ZZZ3: variants seen among roughly 807,000 people sequenced by gnomAD.
The protein encoded by ZZZ3 is zinc finger ZZ-type containing 3, also known as ZZ-type zinc finger-containing protein 3.
In ZZZ3, 22 loss-of-function variants were observed where a neutral mutation model predicts 95.2. The observed-to-expected ratio is 0.23, with a 90% CI of 0.17 to 0.33. The LOEUF (loss-of-function observed/expected upper bound fraction) is 0.33. ZZZ3 is among the 10% of genes least tolerant of loss of function. The pLI is 1.00. For synonymous variants in ZZZ3, 335 were observed against 358.9 expected, an observed-to-expected ratio of 0.93 and a Z score of 0.75; for missense variants, 885 against 1,066.5, an observed-to-expected ratio of 0.83 and a Z score of 2.37.
At chr1:77,658,083 G>A (rs1003232727) in intron 1 of ZZZ3, among the ~76,000 whole-genome samples, 2 of 150,808 alleles carry the variant, frequency 1.3e-5, no homozygotes, top group Admixed American at 1.3e-4. Flanking sequence ...GGAGGCTGAG[G>A]CAGGAGAATC....
intron 13 of ZZZ3, among the ~76,000 whole-genome samples, chr1:77,568,039 T>G (rs1333928496): frequency 6.6e-6 from 1 of 152,182 alleles, no homozygotes; most frequent in Non-Finnish European, 1.5e-5. Context: ...GAAACCACTT[T>G]AAAGTATCTC....
At chr1:77,594,740 A>G (rs1336631129) in intron 5 of ZZZ3, among the ~76,000 whole-genome samples, 2 of 152,020 alleles carry the variant, frequency 1.3e-5, no homozygotes, top group Admixed American at 6.6e-5. Flanking sequence ...ATTTATGAAC[A>G]TGAAGCTGAG....
chr1:77,658,135 C>T (rs529106138), intron 1 of ZZZ3, among the ~76,000 whole-genome samples: 2 of 141,524 alleles, frequency 1.4e-5, no homozygotes, highest in Admixed American at 7.3e-5. Flanking sequence ...GCTGAGATTA[C>T]GCCACTGCAT....
intron 1 of ZZZ3, among the ~76,000 whole-genome samples, chr1:77,671,653 T>A (rs1041235055): frequency 7.9e-5 from 12 of 152,178 alleles, no homozygotes; most frequent in Middle Eastern, 3.4e-3. Context: ...TTGTAGGGAG[T>A]ACTAATGATA....
Position 77,632,335 on chromosome 1 carries a change from G to A in ZZZ3, c.1020C>T (p.Asp340=), listed in dbSNP as rs1286784529. The A allele has an allele frequency of 6.2e-7, 1 of 1,614,166 alleles. No homozygotes were observed. Among genetic ancestry groups the A allele is most frequent in the South Asian group, 1.1e-5 (1 of 91,080 alleles). ...QCKENTNNEL[D]TSLESMPASG... The stretch of plus-strand genomic sequence containing the variant: ...AGGCTGGCATACTCTCAAGACTTGT[G>A]TCCAGTTCGTTATTGGTGTTTTCTT... The change falls in exon 5 of 15, where the codon GAC becomes GAT. Residue 340 remains aspartate (D), a synonymous_variant. Transcript: ENST00000370801.
At chr1:77,630,094 T>C (rs1249960263) in intron 5 of ZZZ3, among the ~76,000 whole-genome samples, 3 of 152,214 alleles carry the variant, frequency 2.0e-5, no homozygotes, top group Non-Finnish European at 4.4e-5. Flanking sequence ...TATCATTTTA[T>C]AAAAATTCAC....
chr1:77,599,795 A>C (rs1664560853), intron 5 of ZZZ3, among the ~76,000 whole-genome samples: 1 of 152,162 alleles, frequency 6.6e-6, no homozygotes, highest in Non-Finnish European at 1.5e-5. Flanking sequence ...TATATATCAG[A>C]GTAGACAATC....
In ZZZ3 at chr1:77,631,991, G is replaced by A; in HGVS notation, c.1364C>T (p.Pro455Leu). 6.2e-7 allele frequency: 1 copy of A among 1,614,002 alleles called. No homozygotes were observed. Among genetic ancestry groups the A allele is most frequent in the African/African-American group, 1.3e-5 (1 of 74,996 alleles). Residue 455 changes from proline to leucine, a missense_variant, in exon 5 of 15, where the codon CCA becomes CTA. Pro to Leu is a moderately conservative substitution (Grantham distance 98, BLOSUM62 -3). This residue lies in a region of ZZZ3 where 556 missense variants were observed against 652.9 expected (regional missense o/e 0.85). Transcript: ENST00000370801. ...AATATTGAGTCTTGCCTCTGAGGGTGGTTTACTTACTCCTTCACTTCCATT... is the reference window on the plus strand; with the variant it reads ...AATATTGAGTCTTGCCTCTGAGGGTAGTTTACTTACTCCTTCACTTCCATT... ...QNNGSEGVSK[P>L]PSEARLNIGH... is the part of the protein sequence containing the mutation.
intron 4 of ZZZ3, among the ~76,000 whole-genome samples, chr1:77,636,182 C>CA (rs1668282426): frequency 6.6e-6 from 1 of 152,026 alleles, no homozygotes; most frequent in Non-Finnish European, 1.5e-5. Flanking sequence ...TATAAACACA[C>CA]AAAAGAATCT....
intron 14 of ZZZ3, 79 bp downstream of exon 14, chr1:77,566,002 T>C: frequency 1.6e-6 from 2 of 1,265,634 alleles, no homozygotes; most frequent in Non-Finnish European, 2.2e-6. Flanking sequence ...ATTTTCTATG[T>C]TTGGAAATCA....
At chr1:77,613,746 G>A (rs1666036244) in intron 5 of ZZZ3, among the ~76,000 whole-genome samples, 1 of 152,016 alleles carries the variant, frequency 6.6e-6, no homozygotes. Context: ...CATACCAAGA[G>A]TGCTATTCCT....
intron 1 of ZZZ3, among the ~76,000 whole-genome samples, chr1:77,679,193 CACCAGAGTATAT>C (rs1672530201): frequency 1.3e-5 from 2 of 152,180 alleles, no homozygotes; most frequent in Admixed American, 1.3e-4. Context: ...CAGAAATTTG[CACCAGAGTATAT>C]ACCAAATCTC....
intron 12 of ZZZ3, among the ~76,000 whole-genome samples, chr1:77,574,121 T>G (rs971830022): frequency 2.0e-4 from 30 of 148,328 alleles, no homozygotes; most frequent in South Asian, 8.3e-4. Flanking sequence ...TATAGATATA[T>G]ATATAGATAG....
At chr1:77,599,345 T>C (rs1343462602) in intron 5 of ZZZ3, among the ~76,000 whole-genome samples, 5 of 152,010 alleles carry the variant, frequency 3.3e-5, no homozygotes, top group Admixed American at 3.3e-4. Context: ...ATTCCACAAA[T>C]ATTTATTGAA....
intron 1 of ZZZ3, among the ~76,000 whole-genome samples, chr1:77,658,141 T>G (rs1465359888): frequency 7.5e-6 from 1 of 133,088 alleles, no homozygotes; most frequent in Non-Finnish European, 1.5e-5. Flanking sequence ...ATTACGCCAC[T>G]GCATTCCAGC....
At chr1:77,610,616 T>C (rs1022308279) in intron 5 of ZZZ3, among the ~76,000 whole-genome samples, 17 of 151,768 alleles carry the variant, frequency 1.1e-4, no homozygotes, top group African/African-American at 4.1e-4. Context: ...AAATTCATCA[T>C]GGCCAATTAG....
At chr1:77,660,937 G>A (rs1363447288) in intron 1 of ZZZ3, among the ~76,000 whole-genome samples, 7 of 150,636 alleles carry the variant, frequency 4.6e-5, no homozygotes, top group Admixed American at 2.0e-4. Flanking sequence ...ACACAAACAC[G>A]TATTTTTCAT....
At chr1:77,627,950 G>A (rs1667471330) in intron 5 of ZZZ3, among the ~76,000 whole-genome samples, 1 of 152,168 alleles carries the variant, frequency 6.6e-6, no homozygotes, top group Admixed American at 6.5e-5. Flanking sequence ...ATAATTCAGA[G>A]GCAGCTGACC....
At chr1:77,636,532 G>A (rs954551298) in intron 4 of ZZZ3, among the ~76,000 whole-genome samples, 4 of 151,716 alleles carry the variant, frequency 2.6e-5, no homozygotes, top group Non-Finnish European at 4.4e-5. Flanking sequence ...GGGCAACATG[G>A]CGAAACCCTG....
Sources: gnomAD v4.1 joint callset for allele counts (sites outside exome capture counted in the v4.1 genomes callset) on GRCh38, gnomAD v4.1.1 for gene constraint, gnomAD v4.1.1 regional missense constraint, MANE v1.5 for transcripts, NCBI Gene and HGNC (gene_info 2026-07-23, HGNC 2026-07-21) for gene names.